TCF12: variants seen among roughly 807,000 people sequenced by gnomAD.
TCF12 encodes the protein DNA-binding protein HTF4.
TCF12 carries 45 observed loss-of-function variants against 86.0 expected under a neutral mutation model. The ratio of observed to expected loss-of-function variants is 0.52; its 90% CI spans 0.41 to 0.67. TCF12 has a LOEUF of 0.67. Ranked by LOEUF, TCF12 falls within the 30% of genes least tolerant of loss-of-function variation. The probability of loss-of-function intolerance (pLI) is 0.00; values close to 1 mark genes in which losing one functional copy is unlikely to be tolerated. For synonymous variants in TCF12, 330 were observed against 299.6 expected (o/e 1.10, Z -1.05); for missense variants, 881 against 859.9 (o/e 1.02, Z -0.31).
chr15:57,075,179 A>G (rs1360888702), intron 4 of TCF12, among the ~76,000 whole-genome samples: 2 of 152,236 alleles, frequency 1.3e-5, no homozygotes, highest in African/African-American at 2.4e-5. Context: ...CCTGAACCAA[A>G]TATCTTCTCG....
chr15:57,025,814 A>T (rs1260360903), intron 3 of TCF12, among the ~76,000 whole-genome samples: 1 of 152,164 alleles, frequency 6.6e-6, no homozygotes, highest in East Asian at 1.9e-4. Context: ...TGTTAATAGA[A>T]ATGTGGTGTC....
intron 3 of TCF12, among the ~76,000 whole-genome samples, chr15:57,019,994 A>G (rs1596150060): frequency 6.6e-6 from 1 of 152,172 alleles, no homozygotes; most frequent in Non-Finnish European, 1.5e-5. Flanking sequence ...AACTTGGCCT[A>G]TATCCAGGAA....
chr15:57,211,956 A>T lies in TCF12; in HGVS notation c.579+14131A>T, dbSNP rs192736754. Among the ~76,000 whole-genome samples, 182 of 65,972 alleles carry T rather than the reference A, an allele frequency of 2.8e-3. 1 individual carries two copies. The highest frequency in any genetic ancestry group is 7.5e-3 in the African/African-American group (174 of 23,188). The allele number at this position is 65,972 out of a possible 152,430, so 43.3% of individuals were successfully genotyped here. A position where few individuals can be genotyped will look rare whatever the true frequency, so the allele number is the denominator to read the frequency against. The stretch of plus-strand genomic sequence containing the variant: ...GCAACAAAGCAGGACTTTGAGACAT[A>T]CACACACACGCACACACACACACCA... On this transcript the variant is annotated intron_variant, in intron 8 of 20. Transcript: ENST00000333725.
Position 57,280,296 on chromosome 15 carries a change from G to A in TCF12, c.1979-2149G>A, listed in dbSNP as rs962560229. On this transcript the variant is annotated intron_variant, in intron 19 of 20. Transcript: ENST00000333725. ...CTCTTAATATTTTTTGCATAATGAT[G>A]AACATACTATTTTTTCCTGCTAGTT... Among the ~76,000 whole-genome samples the A allele has an allele frequency of 3.3e-5, 5 of 152,092 alleles. No homozygotes were observed. The East Asian group carries it at 9.6e-4, about 29-fold the overall frequency.
intron 3 of TCF12, among the ~76,000 whole-genome samples, chr15:56,992,768 C>G (rs931994044): frequency 5.3e-5 from 8 of 152,068 alleles, no homozygotes; most frequent in Non-Finnish European, 8.8e-5. Context: ...AGTTAGTTAC[C>G]ATGTGAATTA....
intron 3 of TCF12, among the ~76,000 whole-genome samples, chr15:57,049,219 A>C (rs2067447497): frequency 6.6e-6 from 1 of 152,168 alleles, no homozygotes; most frequent in Non-Finnish European, 1.5e-5. Context: ...TATGTAGTTC[A>C]ATTCATCTTC....
At chr15:57,084,089 G>T (rs1308495591) in intron 4 of TCF12, among the ~76,000 whole-genome samples, 1 of 151,964 alleles carries the variant, frequency 6.6e-6, no homozygotes, top group Non-Finnish European at 1.5e-5. Flanking sequence ...TTAAGCATGG[G>T]TTTTAATAAA....
At chr15:57,183,597 G>A (rs1405309421) in intron 6 of TCF12, among the ~76,000 whole-genome samples, 2 of 151,958 alleles carry the variant, frequency 1.3e-5, no homozygotes, top group African/African-American at 4.8e-5. Context: ...TAAGACAAAA[G>A]GTTTATGCCC....
chr15:57,037,665 G>A (rs150271113), intron 3 of TCF12, among the ~76,000 whole-genome samples: 38 of 152,310 alleles, frequency 2.5e-4, no homozygotes, highest in African/African-American at 9.1e-4. Context: ...ATTCTCTGAT[G>A]CTGTAACAAG....
chr15:57,232,599 G>A, intron 10 of TCF12, 113 bp from the exon 11 acceptor site: 1 of 1,434,554 alleles, frequency 7.0e-7, no homozygotes, highest in Non-Finnish European at 9.4e-7. Flanking sequence ...AATAAGTAGT[G>A]CTCTTTAGCT....
intron 3 of TCF12, among the ~76,000 whole-genome samples, chr15:56,958,206 G>C (rs1243222713): frequency 3.3e-5 from 5 of 152,144 alleles, no homozygotes; most frequent in Admixed American, 6.5e-5. Flanking sequence ...GTCACGTTCT[G>C]ATCTCAGTGA....
intron 5 of TCF12, among the ~76,000 whole-genome samples, chr15:57,102,362 C>G (rs745337704): frequency 2.0e-5 from 3 of 152,192 alleles, no homozygotes; most frequent in Non-Finnish European, 4.4e-5. Flanking sequence ...CTTTGGGAGG[C>G]TGTGGCAGGT....
At chr15:56,968,388 G>C (rs2062116633) in intron 3 of TCF12, among the ~76,000 whole-genome samples, 1 of 148,082 alleles carries the variant, frequency 6.8e-6, no homozygotes, top group Admixed American at 6.7e-5. Context: ...TGAAATGGGG[G>C]TCTCACTGTG....
In TCF12 at chr15:57,072,667, A is replaced by T. The variant is rs747232044; in HGVS notation, c.222+8844A>T. On this transcript the variant is annotated intron_variant, in intron 4 of 20. Coordinates refer to ENST00000333725, the MANE Select transcript of TCF12 (RefSeq NM_207037.2). The stretch of plus-strand genomic sequence containing the variant: ...CTTGATCTCAGGTACAATACACGAG[A>T]TGAAGCAGTTAAATAGCAAAGCAAG... 2.3e-6 allele frequency: 3 copies of T among 1,306,964 alleles called. No individual in the cohort carries two copies. In the African/African-American group the frequency reaches 4.5e-5, roughly 20 times the overall value. 81.0% of individuals were successfully genotyped at this position (1,306,964 alleles called of 1,614,324 possible).
intron 6 of TCF12, among the ~76,000 whole-genome samples, chr15:57,178,416 C>G (rs191938097): frequency 6.6e-6 from 1 of 152,180 alleles, no homozygotes; most frequent in East Asian, 1.9e-4. Context: ...CTTAATTATA[C>G]TTACAAAAAT....
At chr15:57,007,311 T>G (rs577061176) in intron 3 of TCF12, among the ~76,000 whole-genome samples, 1 of 152,294 alleles carries the variant, frequency 6.6e-6, no homozygotes, top group East Asian at 1.9e-4. Flanking sequence ...TTTCTGTCTT[T>G]CCCCACAACT....
chr15:56,971,470 C>T (rs1855250606), intron 3 of TCF12, among the ~76,000 whole-genome samples: 1 of 151,840 alleles, frequency 6.6e-6, no homozygotes, highest in African/African-American at 2.4e-5. Flanking sequence ...AGCAAGACAC[C>T]CAACAGAAAA....
At chr15:57,182,534 A>AT (rs1163763249) in intron 6 of TCF12, among the ~76,000 whole-genome samples, 5 of 152,186 alleles carry the variant, frequency 3.3e-5, no homozygotes, top group African/African-American at 1.2e-4. Context: ...AAAAGAAACA[A>AT]TTTTTTCTAT....
intron 3 of TCF12, among the ~76,000 whole-genome samples, chr15:57,021,470 C>G (rs2141254652): frequency 6.6e-6 from 1 of 152,320 alleles, no homozygotes; most frequent in East Asian, 1.9e-4. Context: ...AGTGGCTTAG[C>G]ATACAGATGT....
Sources: gnomAD v4.1 joint callset for allele counts (sites outside exome capture counted in the v4.1 genomes callset) on GRCh38, gnomAD v4.1.1 for gene constraint, MANE v1.5 for transcripts, NCBI Gene and HGNC (gene_info 2026-07-23, HGNC 2026-07-21) for gene names.